LRP1B: variants seen among roughly 807,000 people sequenced by gnomAD.
LRP1B encodes low-density lipoprotein receptor-related protein 1B.
In LRP1B, 217 loss-of-function variants were observed where a neutral mutation model predicts 556.6. That is an observed-to-expected ratio of 0.39 (90% confidence interval 0.35 to 0.44). LRP1B has a LOEUF of 0.44. Ranked by LOEUF, LRP1B falls within the 20% of genes least tolerant of loss-of-function variation. The probability of loss-of-function intolerance (pLI) is 1.00; values close to 1 mark genes in which losing one functional copy is unlikely to be tolerated. For missense variants in LRP1B, 5,053 were observed against 5,620.8 expected (o/e 0.90, Z 3.23); for synonymous variants, 2,047 against 1,865.8 (o/e 1.10, Z -2.50).
intron 1 of LRP1B, among the ~76,000 whole-genome samples, chr2:142,121,560 T>C (rs147370908): frequency 4.5e-4 from 68 of 152,286 alleles, no homozygotes; most frequent in African/African-American, 1.6e-3. Context: ...TCAGAGCTTG[T>C]CCCCTCTCGT....
intron 6 of LRP1B, chr2:141,208,218 T>C (rs1682370080): frequency 6.6e-6 from 1 of 152,320 alleles, no homozygotes; most frequent in Admixed American, 6.5e-5. Flanking sequence ...CTGGGCCTCA[T>C]GACCACCATC....
At chr2:141,124,234 G>A (rs1701140414) in intron 7 of LRP1B, among the ~76,000 whole-genome samples, 1 of 152,084 alleles carries the variant, frequency 6.6e-6, no homozygotes, top group Non-Finnish European at 1.5e-5. Context: ...GAAATTGTTT[G>A]CATAGTTTAT....
intron 18 of LRP1B, among the ~76,000 whole-genome samples, chr2:140,971,393 T>G (rs1345585116): frequency 6.6e-6 from 1 of 152,176 alleles, no homozygotes; most frequent in Non-Finnish European, 1.5e-5. Context: ...GACACCTTGA[T>G]TTTGGACTTT....
At chr2:141,305,432 T>C (rs1405809177) in intron 3 of LRP1B, among the ~76,000 whole-genome samples, 3 of 152,216 alleles carry the variant, frequency 2.0e-5, no homozygotes, top group African/African-American at 7.2e-5. Context: ...ATTTTTTATG[T>C]TGATTTTATA....
intron 84 of LRP1B, among the ~76,000 whole-genome samples, chr2:140,294,049 C>G (rs1238100567): frequency 6.6e-6 from 1 of 152,136 alleles, no homozygotes; most frequent in Non-Finnish European, 1.5e-5. Flanking sequence ...AAAACATAAG[C>G]TAACTGAATT....
At chr2:140,872,089 T>G (rs1029965348) in intron 25 of LRP1B, among the ~76,000 whole-genome samples, 1 of 150,974 alleles carries the variant, frequency 6.6e-6, no homozygotes, top group Admixed American at 6.6e-5. Context: ...TGTATTTTTT[T>G]TTTTTTTTTG....
At chr2:141,892,080 T>C (rs1459676887) in intron 1 of LRP1B, among the ~76,000 whole-genome samples, 1 of 151,948 alleles carries the variant, frequency 6.6e-6, no homozygotes, top group Admixed American at 6.6e-5. Context: ...AGAAAGATCA[T>C]CAAAACAAAT....
intron 59 of LRP1B, among the ~76,000 whole-genome samples, chr2:140,481,044 C>T (rs2105355904): frequency 6.6e-6 from 1 of 151,936 alleles, no homozygotes; most frequent in East Asian, 2.0e-4. Flanking sequence ...TTTTTGTATT[C>T]TTAGTAGAGA....
intron 3 of LRP1B, among the ~76,000 whole-genome samples, chr2:141,269,517 G>A (rs1016804999): frequency 1.5e-4 from 23 of 152,236 alleles, no homozygotes; most frequent in Middle Eastern, 3.4e-3. Flanking sequence ...ATCATGTTAA[G>A]CCCACTGTCA....
chr2:141,006,614 A>G (rs573461622), intron 14 of LRP1B, among the ~76,000 whole-genome samples: 2 of 152,134 alleles, frequency 1.3e-5, no homozygotes, highest in East Asian at 3.9e-4. Context: ...CCTGCTGTGC[A>G]CCTAAACTAT....
intron 17 of LRP1B, among the ~76,000 whole-genome samples, chr2:140,987,277 C>G (rs1696954766): frequency 6.6e-6 from 1 of 152,094 alleles, no homozygotes. Context: ...CAGACTTCAT[C>G]TGGCAGCTCT....
chr2:141,224,563 A>C (rs300389), intron 6 of LRP1B, among the ~76,000 whole-genome samples: 17,008 of 152,176 alleles, frequency 0.11, 1,077 homozygotes, highest in South Asian at 0.2. Context: ...TTCGACATGG[A>C]ATCAACCCGA....
At chr2:140,734,405 C>T (rs1687879375) in intron 35 of LRP1B, among the ~76,000 whole-genome samples, 2 of 152,054 alleles carry the variant, frequency 1.3e-5, no homozygotes, top group Admixed American at 1.3e-4. Flanking sequence ...AGAGAAGAGT[C>T]AGAAATGAGG....
intron 32 of LRP1B, among the ~76,000 whole-genome samples, chr2:140,785,239 T>C (rs988697194): frequency 3.9e-5 from 6 of 152,196 alleles, no homozygotes; most frequent in Non-Finnish European, 8.8e-5. Flanking sequence ...ATTGTCTTGA[T>C]AAATCTGCTT....
intron 3 of LRP1B, among the ~76,000 whole-genome samples, chr2:141,395,269 T>C (rs561073760): frequency 1.3e-5 from 2 of 152,258 alleles, no homozygotes; most frequent in South Asian, 4.1e-4. Flanking sequence ...GCTCCATTCA[T>C]GATAAATGCC....
At chr2:140,434,220 C>T (rs1397691350) in intron 66 of LRP1B, among the ~76,000 whole-genome samples, 1 of 152,024 alleles carries the variant, frequency 6.6e-6, no homozygotes, top group Non-Finnish European at 1.5e-5. Flanking sequence ...CAGGCAAGTG[C>T]CACCATGCCC....
intron 17 of LRP1B, 61 bp from the exon 18 acceptor site, chr2:140,982,337 T>C: frequency 1.0e-6 from 1 of 986,178 alleles, no homozygotes; most frequent in Non-Finnish European, 1.6e-6. Context: ...ATCAAGGATA[T>C]AATTAAGCAT....
chr2:142,015,237 AC>A (rs1429165072), intron 1 of LRP1B, among the ~76,000 whole-genome samples: 2 of 152,158 alleles, frequency 1.3e-5, no homozygotes, highest in African/African-American at 2.4e-5. Flanking sequence ...CAAGCAGCTG[AC>A]CTTTGACAAA....
At chr2:141,495,224 C>T (rs1043444763) in intron 2 of LRP1B, among the ~76,000 whole-genome samples, 1 of 152,222 alleles carries the variant, frequency 6.6e-6, no homozygotes, top group East Asian at 1.9e-4. Context: ...TTCTGCTCTA[C>T]GATAAATACT....
Sources: allele counts gnomAD v4.1 joint callset (sites outside exome capture counted in the v4.1 genomes callset), GRCh38; gene constraint gnomAD v4.1.1; transcripts MANE v1.5; gene names NCBI Gene and HGNC (gene_info 2026-07-23, HGNC 2026-07-21).